The following CRIM1 variants were observed in gnomAD, a reference collection of about 807,000 sequenced individuals.
The protein encoded by CRIM1 is cysteine rich transmembrane BMP regulator 1, also known as cysteine-rich motor neuron 1 protein.
A neutral mutation model predicts 116.4 loss-of-function variants in CRIM1; 32 were observed. The observed-to-expected ratio is 0.27, with a 90% CI of 0.21 to 0.37. The LOEUF is 0.37. Among genes scored for constraint, CRIM1 ranks in the 10% least tolerant of loss-of-function variants. The pLI, the probability that CRIM1 is intolerant of heterozygous loss-of-function variation, is 1.00. For synonymous variants in CRIM1, 590 were observed against 509.2 expected (o/e 1.16, Z -2.13); for missense variants, 1,331 against 1,354.8 (o/e 0.98, Z 0.28).
intron 1 of CRIM1, among the ~76,000 whole-genome samples, chr2:36,388,093 C>T (rs1246991770): frequency 6.6e-6 from 1 of 151,854 alleles, no homozygotes; most frequent in African/African-American, 2.4e-5. Flanking sequence ...CCCTATAAAC[C>T]CCTCACATTA....
At chr2:36,465,959 C>G (rs867607954) in intron 5 of CRIM1, among the ~76,000 whole-genome samples, 2 of 151,548 alleles carry the variant, frequency 1.3e-5, no homozygotes, top group South Asian at 4.2e-4. Context: ...AATCTCGGCT[C>G]ACTGCAAGCT....
At chr2:36,423,244 A>T (rs1419564315) in intron 2 of CRIM1, among the ~76,000 whole-genome samples, 2 of 152,196 alleles carry the variant, frequency 1.3e-5, no homozygotes, top group Non-Finnish European at 1.5e-5. Context: ...TATACTGGGG[A>T]TCCTAAGCTA....
chr2:36,470,698 C>T (rs1307033114), intron 5 of CRIM1, among the ~76,000 whole-genome samples: 1 of 152,158 alleles, frequency 6.6e-6, no homozygotes, highest in Non-Finnish European at 1.5e-5. Context: ...TGGAGGTGTA[C>T]AAGATTAGTG....
At chr2:36,520,167 C>A (rs147761070) in intron 12 of CRIM1, among the ~76,000 whole-genome samples, 1 of 152,212 alleles carries the variant, frequency 6.6e-6, no homozygotes, top group East Asian at 1.9e-4. Context: ...GCCCTCACAC[C>A]GTCACTGCCA....
chr2:36,413,033 G>C (rs576469198), intron 2 of CRIM1, among the ~76,000 whole-genome samples: 2 of 152,322 alleles, frequency 1.3e-5, no homozygotes, highest in South Asian at 4.2e-4. Flanking sequence ...GGTAGTAAAT[G>C]TGAAATGGGC....
chr2:36,511,540 A>G (rs1048321823), intron 9 of CRIM1, among the ~76,000 whole-genome samples: 4 of 152,210 alleles, frequency 2.6e-5, no homozygotes, highest in African/African-American at 9.6e-5. Context: ...ACCACTTGCT[A>G]CAGTATCATG....
At chr2:36,544,257 C>G (rs1667155887) in intron 14 of CRIM1, 119 bp from the exon 15 acceptor site, 1 of 879,796 alleles carries the variant, frequency 1.1e-6, no homozygotes. Context: ...GCAGAAACTG[C>G]ATCTTTCATG....
chr2:36,499,464 A>T, intron 8 of CRIM1, 117 bp downstream of exon 8: 1 of 981,914 alleles, frequency 1.0e-6, no homozygotes, highest in Non-Finnish European at 1.5e-6. Context: ...ACAACCTGAA[A>T]AAAAGGGGAA....
chr2:36,431,932 C>T (rs1674925315), intron 2 of CRIM1, among the ~76,000 whole-genome samples: 1 of 152,174 alleles, frequency 6.6e-6, no homozygotes, highest in African/African-American at 2.4e-5. Context: ...CGTGTCCCTT[C>T]CTCAGTGGAG....
At chr2:36,494,264 C>T (rs185549556) in intron 7 of CRIM1, among the ~76,000 whole-genome samples, 2 of 152,228 alleles carry the variant, frequency 1.3e-5, no homozygotes, top group Admixed American at 1.3e-4. Flanking sequence ...AATATGTGAG[C>T]ATCAATATAA....
intron 2 of CRIM1, among the ~76,000 whole-genome samples, chr2:36,397,656 A>G (rs1672123484): frequency 6.6e-6 from 1 of 152,216 alleles, no homozygotes; most frequent in Admixed American, 6.5e-5. Context: ...TTAAAGTCCA[A>G]AAATCAAGCT....
chr2:36,441,921 G>T (rs181903598), intron 3 of CRIM1, among the ~76,000 whole-genome samples: 149 of 152,210 alleles, frequency 9.8e-4, no homozygotes, highest in Non-Finnish European at 3.8e-4. Flanking sequence ...ATTTTTAGAT[G>T]AATACATGCA....
At chr2:36,368,511 C>T (rs935244923) in intron 1 of CRIM1, among the ~76,000 whole-genome samples, 1 of 152,134 alleles carries the variant, frequency 6.6e-6, no homozygotes, top group African/African-American at 2.4e-5. Flanking sequence ...AGGCATTATT[C>T]GAAAGAAAAT....
chr2:36,506,917 G>C (rs1681471202), intron 8 of CRIM1, among the ~76,000 whole-genome samples: 1 of 151,814 alleles, frequency 6.6e-6, no homozygotes, highest in Non-Finnish European at 1.5e-5. Flanking sequence ...GTGTGCAGTG[G>C]TGCAGTCACA....
intron 1 of CRIM1, among the ~76,000 whole-genome samples, chr2:36,380,969 G>T (rs1204706601): frequency 6.6e-6 from 1 of 152,156 alleles, no homozygotes; most frequent in African/African-American, 2.4e-5. Flanking sequence ...GCTTTCTCTT[G>T]CCCACTCTGG....
intron 2 of CRIM1, among the ~76,000 whole-genome samples, chr2:36,426,091 TC>T (rs1433388978): frequency 6.6e-6 from 1 of 152,210 alleles, no homozygotes; most frequent in Non-Finnish European, 1.5e-5. Flanking sequence ...AATAACATGT[TC>T]CTAGAAAGTG....
chr2:36,452,243 TATATA>T (rs1226835999), intron 4 of CRIM1, among the ~76,000 whole-genome samples: 1 of 152,146 alleles, frequency 6.6e-6, no homozygotes, highest in Non-Finnish European at 1.5e-5. Context: ...AAAATTAAGT[TATATA>T]ATAAGTAAAA....
intron 8 of CRIM1, among the ~76,000 whole-genome samples, chr2:36,501,772 C>T (rs1198379175): frequency 6.6e-6 from 1 of 151,640 alleles, no homozygotes; most frequent in African/African-American, 2.4e-5. Context: ...TAGTTACTAC[C>T]ATCTTTAAAT....
chr2:36,458,594 A>G (rs1558325539), intron 4 of CRIM1, among the ~76,000 whole-genome samples: 1 of 152,160 alleles, frequency 6.6e-6, no homozygotes, highest in African/African-American at 2.4e-5. Context: ...GCCCCCACGA[A>G]AAACAAAACG....
Sources: gnomAD v4.1 joint callset for allele counts (sites outside exome capture counted in the v4.1 genomes callset) on GRCh38, gnomAD v4.1.1 for gene constraint, MANE v1.5 for transcripts, NCBI Gene and HGNC (gene_info 2026-07-23, HGNC 2026-07-21) for gene names.